Variants in ROBO1 observed in about 807,000 individuals in gnomAD.
The protein encoded by ROBO1 is roundabout homolog 1.
Under a neutral mutation model 195.9 loss-of-function variants are expected in ROBO1, and 149 were observed. The observed-to-expected ratio is 0.76, with a 90% CI of 0.67 to 0.87. The LOEUF (loss-of-function observed/expected upper bound fraction) is 0.87, where lower values mean the gene tolerates loss of function less well. Ranked by LOEUF, ROBO1 falls within the 40% of genes least tolerant of loss-of-function variation. The pLI is 0.00. For synonymous variants in ROBO1, 816 were observed against 733.2 expected, an observed-to-expected ratio of 1.11 and a Z score of -1.82; for missense variants, 1,933 against 2,068.3, an observed-to-expected ratio of 0.93 and a Z score of 1.27.
At chr3:79,514,808 CACTT>C (rs1368426473) in intron 2 of ROBO1, among the ~76,000 whole-genome samples, 4 of 152,074 alleles carry the variant, frequency 2.6e-5, no homozygotes, top group Non-Finnish European at 5.9e-5. Flanking sequence ...TTAAAATAAA[CACTT>C]AAGTATTATG....
intron 4 of ROBO1, among the ~76,000 whole-genome samples, chr3:78,878,489 G>A (rs1292126689): frequency 3.4e-5 from 5 of 149,166 alleles, no homozygotes; most frequent in Middle Eastern, 3.3e-3. Context: ...TGAGGCTGAG[G>A]CAGGAGAATC....
At chr3:79,720,793 T>A (rs1350461998) in intron 1 of ROBO1, among the ~76,000 whole-genome samples, 1 of 2,672 alleles carries the variant, frequency 3.7e-4, no homozygotes, top group African/African-American at 7.8e-4. Context: ...GAGTTGCTAA[T>A]TTTTTTTTTT....
intron 28 of ROBO1, among the ~76,000 whole-genome samples, chr3:78,609,571 C>T (rs1489257796): frequency 6.6e-6 from 1 of 152,098 alleles, no homozygotes; most frequent in Admixed American, 6.6e-5. Context: ...TACAGATTTC[C>T]ATATGTGTAC....
chr3:79,428,132 A>T (rs1229324213), intron 2 of ROBO1, among the ~76,000 whole-genome samples: 6 of 152,152 alleles, frequency 3.9e-5, no homozygotes, highest in Non-Finnish European at 7.4e-5. Context: ...TGATTAAAAA[A>T]TGGGCAAAAT....
chr3:78,922,781 T>G (rs2039014684), intron 4 of ROBO1, among the ~76,000 whole-genome samples: 1 of 151,852 alleles, frequency 6.6e-6, no homozygotes, highest in South Asian at 2.1e-4. Flanking sequence ...GGCTAACTTT[T>G]GTATTTTTAG....
chr3:78,772,491 A>G (rs2083400611), intron 4 of ROBO1, among the ~76,000 whole-genome samples: 1 of 152,114 alleles, frequency 6.6e-6, no homozygotes, highest in African/African-American at 2.4e-5. Flanking sequence ...TGTTAGGCAT[A>G]GTTATTTCTG....
intron 4 of ROBO1, among the ~76,000 whole-genome samples, chr3:78,848,925 G>A (rs1042018269): frequency 4.6e-5 from 7 of 152,056 alleles, no homozygotes; most frequent in African/African-American, 1.7e-4. Flanking sequence ...AAAGATGATG[G>A]TGGCTCGGTC....
chr3:78,923,898 A>C (rs1173302498), intron 4 of ROBO1, among the ~76,000 whole-genome samples: 1 of 152,122 alleles, frequency 6.6e-6, no homozygotes, highest in Non-Finnish European at 1.5e-5. Flanking sequence ...TATGTTTTCA[A>C]ATTGGTTAAT....
rs1167482550 is a variant in ROBO1 at position 79,412,874 on chromosome 3, ATTTTTTTTTTTTTTTTT to A, written c.88+176933_88+176949del. On this transcript the variant is annotated intron_variant, in intron 2 of 30. Transcript: ENST00000464233. ...AATGATTTTATTGCCTCATGAGCTG[ATTTTTTTTTTTTTTTTT>A]TTTTTTTTTTTTTTTTTTAGTAAAT... Among the ~76,000 whole-genome samples, 13 of 38,340 alleles carry A rather than the reference ATTTTTTTTTTTTTTTTT, an allele frequency of 3.4e-4. No homozygotes were observed. In the East Asian group the frequency reaches 6.8e-3, roughly 20 times the overall value. The allele number at this position is 38,340 out of a possible 152,430, so 25.2% of individuals were successfully genotyped here.
At chr3:78,881,757 G>A (rs1252627746) in intron 4 of ROBO1, among the ~76,000 whole-genome samples, 1 of 152,188 alleles carries the variant, frequency 6.6e-6, no homozygotes, top group Non-Finnish European at 1.5e-5. Context: ...AGGATGGAAA[G>A]AGAAATACTT....
chr3:79,352,526 G>A (rs1010587528), intron 2 of ROBO1, among the ~76,000 whole-genome samples: 2 of 152,128 alleles, frequency 1.3e-5, no homozygotes, highest in Non-Finnish European at 2.9e-5. Context: ...TTATTCTAAT[G>A]CATATGTATC....
rs146628480 is a variant in ROBO1 at position 79,230,393 on chromosome 3, G to A, written c.89-104854C>T. ...TTTGTCTCTAGTAGATTGCTGCGGT[G>A]ATAGCTTCAGTGTACTCATGCCTCA... On this transcript the variant is annotated intron_variant, in intron 2 of 30. Coordinates refer to ENST00000464233, the MANE Select transcript of ROBO1 (RefSeq NM_002941.4). Among the ~76,000 whole-genome samples, 999 of 152,198 alleles carry A rather than the reference G, an allele frequency of 6.6e-3. 7 individuals carry two copies. Among genetic ancestry groups the A allele is most frequent in the Middle Eastern group, 0.02 (6 of 294 alleles).
At chr3:78,767,117 G>A (rs1424891095) in intron 4 of ROBO1, among the ~76,000 whole-genome samples, 9 of 152,188 alleles carry the variant, frequency 5.9e-5, no homozygotes, top group East Asian at 1.9e-4. Flanking sequence ...TGGTATTAGC[G>A]TGATGCTGGC....
intron 2 of ROBO1, among the ~76,000 whole-genome samples, chr3:79,560,895 T>G (rs1942893593): frequency 6.6e-6 from 1 of 152,174 alleles, no homozygotes; most frequent in Non-Finnish European, 1.5e-5. Context: ...CTATGATATG[T>G]ATATACAATT....
At chr3:79,572,831 T>A (rs1943323846) in intron 2 of ROBO1, among the ~76,000 whole-genome samples, 1 of 152,120 alleles carries the variant, frequency 6.6e-6, no homozygotes, top group Admixed American at 6.6e-5. Context: ...ACTGGTTTGG[T>A]CCGGGAGGCC....
At chr3:78,979,411 G>A (rs1038926461) in intron 3 of ROBO1, among the ~76,000 whole-genome samples, 8 of 152,162 alleles carry the variant, frequency 5.3e-5, no homozygotes, top group African/African-American at 1.9e-4. Flanking sequence ...GGCAACAAAA[G>A]GTGCTGAAAG....
At chr3:79,556,152 A>G (rs1212416333) in intron 2 of ROBO1, among the ~76,000 whole-genome samples, 3 of 152,104 alleles carry the variant, frequency 2.0e-5, no homozygotes, top group African/African-American at 7.2e-5. Context: ...AATATATAGA[A>G]TTATAAATCT....
chr3:79,472,284 G>C (rs1200997070), intron 2 of ROBO1, among the ~76,000 whole-genome samples: 1 of 151,986 alleles, frequency 6.6e-6, no homozygotes, highest in Non-Finnish European at 1.5e-5. Flanking sequence ...CTAGTGTTTA[G>C]GATTAGAAAT....
intron 2 of ROBO1, among the ~76,000 whole-genome samples, chr3:79,531,961 T>C (rs4580508): frequency 0.57 from 86,924 of 151,888 alleles, 24,989 homozygotes; most frequent in Non-Finnish European, 0.6. Flanking sequence ...GAGTAGAGAG[T>C]TTAGAATTTG....
Sources: gnomAD v4.1 joint callset for allele counts (sites outside exome capture counted in the v4.1 genomes callset) on GRCh38, gnomAD v4.1.1 for gene constraint, MANE v1.5 for transcripts, NCBI Gene and HGNC (gene_info 2026-07-23, HGNC 2026-07-21) for gene names.